Variants in ARHGAP17 observed in about 807,000 individuals in gnomAD.
The protein encoded by ARHGAP17 is rho GTPase-activating protein 17.
Under a neutral mutation model 99.5 loss-of-function variants are expected in ARHGAP17, and 57 were observed. That is an observed-to-expected ratio of 0.57 (90% CI 0.46 to 0.71). The LOEUF is 0.71. ARHGAP17 is among the 30% of genes least tolerant of loss of function. The pLI is 0.00. For missense variants in ARHGAP17, 1,000 were observed against 1,122.4 expected, an observed-to-expected ratio of 0.89 and a Z score of 1.56; for synonymous variants, 417 against 429.6, an observed-to-expected ratio of 0.97 and a Z score of 0.36.
intron 1 of ARHGAP17, among the ~76,000 whole-genome samples, chr16:24,994,465 T>C (rs753930175): frequency 2.4e-4 from 37 of 152,178 alleles, no homozygotes; most frequent in Non-Finnish European, 4.0e-4. Flanking sequence ...TGAGCCATCA[T>C]GAGTAAGATA....
chr16:24,939,822 A>G, intron 16 of ARHGAP17: 1 of 580,406 alleles, frequency 1.7e-6, no homozygotes, highest in East Asian at 3.0e-5. Context: ...TCTTTGATCA[A>G]TTTGGGTGTG....
chr16:24,945,146 A>G (rs2051431900), intron 14 of ARHGAP17, among the ~76,000 whole-genome samples: 1 of 151,844 alleles, frequency 6.6e-6, no homozygotes, highest in South Asian at 2.1e-4. Context: ...CAACATAGTG[A>G]AATCCCATCT....
chr16:24,993,570 T>C (rs541143309), intron 1 of ARHGAP17, among the ~76,000 whole-genome samples: 32 of 142,756 alleles, frequency 2.2e-4, no homozygotes, highest in East Asian at 8.3e-4. Flanking sequence ...GCATGGGCAA[T>C]AGAGTGAGAC....
chr16:24,954,500 A>G, intron 10 of ARHGAP17, 103 bp downstream of exon 10: 4 of 1,462,408 alleles, frequency 2.7e-6, no homozygotes, highest in South Asian at 2.8e-5. Flanking sequence ...CAATGGCTGT[A>G]TAACTAAGCA....
Position 24,952,296 on chromosome 16 carries a change from C to T in ARHGAP17, c.1039G>A (p.Val347Ile). The change falls in exon 12 of 20, where the codon GTT becomes ATT. Residue 347 changes from valine to isoleucine, a missense_variant. Val to Ile is a conservative substitution (Grantham distance 29, BLOSUM62 3). Coordinates refer to ENST00000289968, the MANE Select transcript of ARHGAP17 (RefSeq NM_001006634.3). ...TFNLYEEWTQ[V>I]ASVQDQDKKL... ...TGTGTTCTTTAAACTTACCTTGCAA[C>T]TTGTGTCCATTCTTCATACAGATTA... 1 of 1,611,392 alleles carries T rather than the reference C, an allele frequency of 6.2e-7. No individual in the cohort carries two copies. Among genetic ancestry groups the T allele is most frequent in the Non-Finnish European group, 8.5e-7 (1 of 1,178,828 alleles).
intron 16 of ARHGAP17, among the ~76,000 whole-genome samples, chr16:24,940,373 T>C (rs2051279031): frequency 1.3e-5 from 2 of 152,164 alleles, no homozygotes; most frequent in South Asian, 2.1e-4. Flanking sequence ...CCTATGTGCA[T>C]ATGCAGACTA....
At chr16:24,970,046 G>A (rs573049444) in intron 4 of ARHGAP17, among the ~76,000 whole-genome samples, 293 of 132,064 alleles carry the variant, frequency 2.2e-3, no homozygotes, top group African/African-American at 7.3e-3. Context: ...AAGAATACAT[G>A]ACAATTGTAA....
intron 1 of ARHGAP17, among the ~76,000 whole-genome samples, chr16:24,980,639 T>A (rs1163714963): frequency 6.6e-6 from 1 of 152,184 alleles, no homozygotes; most frequent in Non-Finnish European, 1.5e-5. Context: ...CAGCTGACCA[T>A]GAGGTCAAAG....
At position 24,942,906 on chromosome 16, in the gene ARHGAP17, C is replaced by T. The variant is rs147237060; in HGVS notation, c.1334-763G>A. On this transcript the variant is annotated intron_variant, in intron 15 of 19. Transcript: ENST00000289968. ...AAACCTTGAGCAGAATGCTAGCATT[C>T]GCTCATCCATCCCATCCTCACTGGG... 1.3e-3 allele frequency among the ~76,000 whole-genome samples: 202 copies of T among 152,310 alleles called. No individual in the cohort carries two copies. In the South Asian group the frequency reaches 0.028, roughly 21 times the overall value.
intron 13 of ARHGAP17, 109 bp from the exon 14 acceptor site, chr16:24,947,704 G>T: frequency 1.2e-6 from 1 of 837,532 alleles, no homozygotes; most frequent in Non-Finnish European, 1.9e-6. Context: ...AACTGCAGAG[G>T]GTTCCTAAAT....
At chr16:24,985,301 G>T (rs891763870) in intron 1 of ARHGAP17, among the ~76,000 whole-genome samples, 1 of 152,198 alleles carries the variant, frequency 6.6e-6, no homozygotes, top group Non-Finnish European at 1.5e-5. Flanking sequence ...TCAGTGGCTT[G>T]AACAACACAA....
chr16:24,942,133 A>C lies in ARHGAP17; in HGVS notation c.1344T>G (p.Phe448Leu). ...ADWFFPEEVE[F>L]NVSEAFVPLT... ...GAGGTACAAATGCTTCTGATACATT[A>C]AATTCCACCTCTGCAAGAGGAAAAA... is the stretch of plus-strand genomic sequence containing the variant. Residue 448 changes from phenylalanine (F) to leucine (L), a missense_variant, in exon 16 of 20, where the codon TTT becomes TTG. Phe to Leu is a conservative substitution (Grantham distance 22). Transcript: ENST00000289968. 1 of 1,609,602 alleles carries C rather than the reference A, an allele frequency of 6.2e-7. No individual in the cohort carries two copies. Among genetic ancestry groups the C allele is most frequent in the Non-Finnish European group, 8.5e-7 (1 of 1,177,322 alleles).
At position 24,931,211 on chromosome 16, in the gene ARHGAP17, T is replaced by A; in HGVS notation, c.2088A>T (p.Ser696=). Residue 696 remains serine (S), a synonymous_variant, in exon 19 of 20, where the codon TCA becomes TCT. Coordinates refer to ENST00000289968, the MANE Select transcript of ARHGAP17 (RefSeq NM_001006634.3). ...PGQPSAPSQL[S]APRRYSSSLS... Reference sequence around the variant, plus strand: ...AGCTGCTGGAGTACCTCCGGGGTGCTGAGAGCTGGGAGGGGGCGGAGGGCT... The same window carrying A: ...AGCTGCTGGAGTACCTCCGGGGTGCAGAGAGCTGGGAGGGGGCGGAGGGCT... 1 of 1,562,164 alleles carries A rather than the reference T, an allele frequency of 6.4e-7. No individual in the cohort carries two copies. Among genetic ancestry groups the A allele is most frequent in the Non-Finnish European group, 8.7e-7 (1 of 1,155,114 alleles).
chr16:24,923,403 A>C (rs912662841), intron 19 of ARHGAP17, among the ~76,000 whole-genome samples: 5 of 152,076 alleles, frequency 3.3e-5, no homozygotes, highest in African/African-American at 7.2e-5. Flanking sequence ...TATTAACTGC[A>C]CTCCAAGAAG....
intron 1 of ARHGAP17, among the ~76,000 whole-genome samples, chr16:24,987,175 A>AAGCTGCCACAGACATTGTATAAAT (rs2052895259): frequency 6.6e-6 from 1 of 152,194 alleles, no homozygotes. Flanking sequence ...TGCAGCACAA[A>AAGCTGCCACAGACATTGTATAAAT]AGCTGCCACA....
chr16:24,947,751 T>G (rs1375914714), intron 13 of ARHGAP17, among the ~76,000 whole-genome samples, 156 bp from the exon 14 acceptor site: 1 of 152,196 alleles, frequency 6.6e-6, no homozygotes, highest in Non-Finnish European at 1.5e-5. Context: ...TATACATTTC[T>G]TGTGTTCTTT....
At chr16:24,984,089 C>T (rs2052782557) in intron 1 of ARHGAP17, among the ~76,000 whole-genome samples, 2 of 152,146 alleles carry the variant, frequency 1.3e-5, no homozygotes, top group Admixed American at 6.5e-5. Context: ...ATGCTCAGAC[C>T]AGGTGAGAGT....
At chr16:25,014,996 A>T (rs34638613) in intron 1 of ARHGAP17, among the ~76,000 whole-genome samples, 1 of 151,568 alleles carries the variant, frequency 6.6e-6, no homozygotes, top group East Asian at 2.0e-4. Context: ...AGGTCTCGGG[A>T]GCCCGGCGGC....
intron 10 of ARHGAP17, among the ~76,000 whole-genome samples, chr16:24,953,653 G>A (rs1370431592): frequency 2.6e-5 from 4 of 152,160 alleles, no homozygotes; most frequent in Non-Finnish European, 4.4e-5. Context: ...ACAGCCTGTG[G>A]AACTGTGAGT....
Sources: allele counts gnomAD v4.1 joint callset (sites outside exome capture counted in the v4.1 genomes callset), GRCh38; gene constraint gnomAD v4.1.1; transcripts MANE v1.5; gene names NCBI Gene and HGNC (gene_info 2026-07-23, HGNC 2026-07-21).